The following ADK variants were observed in gnomAD, a reference collection of about 807,000 sequenced individuals.
The protein encoded by ADK is N6,N6-dimethyladenosine kinase.
Under a neutral mutation model 44.7 loss-of-function variants are expected in ADK, and 24 were observed. The ratio of observed to expected loss-of-function variants is 0.54; its 90% CI spans 0.39 to 0.76. ADK has a LOEUF of 0.76. ADK is among the 30% of genes least tolerant of loss of function. The pLI, the probability that ADK is intolerant of heterozygous loss-of-function variation, is 0.00. For missense variants in ADK, 321 were observed against 425.1 expected (o/e 0.76, Z 2.15); for synonymous variants, 128 against 142.6 (o/e 0.90, Z 0.73).
intron 4 of ADK, among the ~76,000 whole-genome samples, chr10:74,364,714 G>A (rs913578187): frequency 1.1e-4 from 17 of 150,558 alleles, no homozygotes; most frequent in Non-Finnish European, 2.1e-4. Context: ...GTGTGTGTGT[G>A]TGTGTGTGTG....
intron 6 of ADK, among the ~76,000 whole-genome samples, chr10:74,437,484 C>T (rs557202065): frequency 2.3e-4 from 35 of 152,256 alleles, no homozygotes; most frequent in African/African-American, 7.9e-4. Context: ...CAGGGTTTGA[C>T]TCATGTGCCC....
At chr10:74,529,854 A>G (rs960033118) in intron 7 of ADK, among the ~76,000 whole-genome samples, 3 of 152,206 alleles carry the variant, frequency 2.0e-5, no homozygotes, top group African/African-American at 7.2e-5. Context: ...CTATAAGACA[A>G]TTAGAGGTAT....
chr10:74,440,766 C>A (rs1474540807), intron 6 of ADK, among the ~76,000 whole-genome samples: 2 of 151,986 alleles, frequency 1.3e-5, no homozygotes, highest in African/African-American at 4.8e-5. Flanking sequence ...ATCATTTTTC[C>A]AAAGAGGGTT....
intron 9 of ADK, among the ~76,000 whole-genome samples, chr10:74,659,660 C>G (rs1422173959): frequency 3.3e-5 from 5 of 152,142 alleles, no homozygotes; most frequent in Admixed American, 1.3e-4. Flanking sequence ...ATCACAAGGT[C>G]CCACAATAGA....
chr10:74,686,453 T>A (rs1165867115), intron 10 of ADK, among the ~76,000 whole-genome samples: 1 of 152,190 alleles, frequency 6.6e-6, no homozygotes, highest in Non-Finnish European at 1.5e-5. Flanking sequence ...AGAGGCTTCA[T>A]GCAGCATTTG....
intron 9 of ADK, among the ~76,000 whole-genome samples, chr10:74,647,858 C>T (rs976658133): frequency 3.3e-5 from 5 of 152,078 alleles, no homozygotes; most frequent in Admixed American, 6.6e-5. Flanking sequence ...ATTAAGTAAG[C>T]TCATTTGATA....
chr10:74,647,554 T>C (rs1368834894), intron 9 of ADK, among the ~76,000 whole-genome samples: 2 of 152,166 alleles, frequency 1.3e-5, no homozygotes, highest in Non-Finnish European at 2.9e-5. Context: ...CTTACCTGAA[T>C]ACCTCAGGGA....
intron 7 of ADK, among the ~76,000 whole-genome samples, chr10:74,587,917 A>G (rs1851585121): frequency 1.3e-5 from 2 of 152,142 alleles, no homozygotes; most frequent in Non-Finnish European, 2.9e-5. Flanking sequence ...GGTATATAAT[A>G]ATCATTAGAT....
intron 7 of ADK, among the ~76,000 whole-genome samples, chr10:74,538,255 CAAAA>C (rs535509115): frequency 1.2e-5 from 1 of 85,238 alleles, no homozygotes. Flanking sequence ...CTCCGTCTCA[CAAAA>C]AAAAAAAAAA....
At chr10:74,536,031 A>G (rs7924176) in intron 7 of ADK, among the ~76,000 whole-genome samples, 46,610 of 151,808 alleles carry the variant, frequency 0.31, 9,181 homozygotes, top group Non-Finnish European at 0.44. Flanking sequence ...TCATCTGTAA[A>G]TTGAGGGGAT....
chr10:74,639,793 G>A (rs1032212184), intron 9 of ADK, among the ~76,000 whole-genome samples: 4 of 152,028 alleles, frequency 2.6e-5, no homozygotes, highest in Admixed American at 1.3e-4. Context: ...CCGAGATCTC[G>A]CTACTGCACT....
At chr10:74,191,206 C>G (rs1842942106) in intron 1 of ADK, among the ~76,000 whole-genome samples, 1 of 152,020 alleles carries the variant, frequency 6.6e-6, no homozygotes, top group African/African-American at 2.4e-5. Flanking sequence ...GTCTCGAACT[C>G]CTGACCTTGT....
chr10:74,465,664 AGT>A lies in ADK; in HGVS notation c.556-59587_556-59586del, dbSNP rs568391263. ...TAAGATACAATCAGGCTCTGGATATAGTGTGTAGGTAGATTTAATAGAAATTG... is the reference window on the plus strand; with the variant it reads ...TAAGATACAATCAGGCTCTGGATATAGTGTAGGTAGATTTAATAGAAATTG... On this transcript the variant is annotated intron_variant, in intron 6 of 10. Coordinates refer to ENST00000539909, the MANE Select transcript of ADK (RefSeq NM_006721.4). Among the ~76,000 whole-genome samples, 338 of 152,292 alleles carry A rather than the reference AGT, an allele frequency of 2.2e-3. 2 individuals are homozygous for A. The highest frequency in any genetic ancestry group is 7.6e-3 in the African/African-American group (317 of 41,570).
intron 4 of ADK, among the ~76,000 whole-genome samples, chr10:74,392,696 A>G (rs1843376822): frequency 6.6e-6 from 1 of 152,076 alleles, no homozygotes; most frequent in African/African-American, 2.4e-5. Flanking sequence ...TTCCATATTT[A>G]TGAAATCATT....
intron 2 of ADK, among the ~76,000 whole-genome samples, chr10:74,203,951 C>CTTTTTTT (rs760810639): frequency 2.1e-5 from 2 of 95,828 alleles, no homozygotes; most frequent in African/African-American, 4.2e-5. Context: ...TTATTTAGGT[C>CTTTTTTT]TTTTTTTTTT....
intron 8 of ADK, among the ~76,000 whole-genome samples, chr10:74,597,467 C>T (rs1002291048): frequency 1.3e-5 from 2 of 152,170 alleles, no homozygotes; most frequent in African/African-American, 4.8e-5. Context: ...GTTCCAGAAT[C>T]GAATCCCACA....
chr10:74,251,355 T>C (rs915463776), intron 3 of ADK, among the ~76,000 whole-genome samples: 1 of 152,208 alleles, frequency 6.6e-6, no homozygotes, highest in Non-Finnish European at 1.5e-5. Context: ...CAGTTTGTTA[T>C]TTATCATATA....
At chr10:74,272,177 T>G (rs1846458102) in intron 3 of ADK, among the ~76,000 whole-genome samples, 1 of 152,170 alleles carries the variant, frequency 6.6e-6, no homozygotes, top group Admixed American at 6.5e-5. Context: ...ATGTGAGAAA[T>G]TTTTTTACTC....
rs558433050 is a variant in ADK at position 74,272,403 on chromosome 10, G to A, written c.195-42264G>A. ...CAGTCCTCCCACCTCAGCTTCCTGA[G>A]TGTTTGGGACTACAGGCGCGCACTA... On this transcript the variant is annotated intron_variant, in intron 3 of 10. Coordinates refer to ENST00000539909, the MANE Select transcript of ADK (RefSeq NM_006721.4). 3.3e-5 allele frequency among the ~76,000 whole-genome samples: 5 copies of A among 152,048 alleles called. No homozygotes were observed. In the East Asian group the frequency reaches 9.7e-4, roughly 29 times the overall value.
Sources: gnomAD v4.1 joint callset for allele counts (sites outside exome capture counted in the v4.1 genomes callset) on GRCh38, gnomAD v4.1.1 for gene constraint, MANE v1.5 for transcripts, NCBI Gene and HGNC (gene_info 2026-07-23, HGNC 2026-07-21) for gene names.